PLSCR1: variants seen among roughly 807,000 people sequenced by gnomAD.
PLSCR1 encodes phospholipid scramblase 1.
PLSCR1 carries 17 observed loss-of-function variants against 37.8 expected under a neutral mutation model. That is an observed-to-expected ratio of 0.45 (90% CI 0.31 to 0.68). The LOEUF is 0.68. Ranked by LOEUF, PLSCR1 falls within the 30% of genes least tolerant of loss-of-function variation. The probability of loss-of-function intolerance (pLI) is 0.06; values close to 1 mark genes in which losing one functional copy is unlikely to be tolerated. For synonymous variants in PLSCR1, 116 were observed against 125.9 expected (o/e 0.92, Z 0.53); for missense variants, 347 against 380.9 (o/e 0.91, Z 0.74).
chr3:146,524,245 A>G (rs1401559402), intron 5 of PLSCR1, among the ~76,000 whole-genome samples: 1 of 152,204 alleles, frequency 6.6e-6, no homozygotes, highest in Non-Finnish European at 1.5e-5. Context: ...ATAACCTTTA[A>G]GTTTCTTTTC....
intron 3 of PLSCR1, among the ~76,000 whole-genome samples, chr3:146,529,344 T>C (rs2044164065): frequency 6.6e-6 from 1 of 152,108 alleles, no homozygotes; most frequent in South Asian, 2.1e-4. Context: ...CTGCAGACTT[T>C]TTTTGGTCAC....
intron 1 of PLSCR1, among the ~76,000 whole-genome samples, chr3:146,538,424 A>C (rs2108669820): frequency 6.6e-6 from 1 of 152,342 alleles, no homozygotes; most frequent in Middle Eastern, 3.4e-3. Flanking sequence ...ATATCAGAAA[A>C]GATTAATACA....
At chr3:146,540,398 C>T (rs2738916) in intron 1 of PLSCR1, among the ~76,000 whole-genome samples, 41,242 of 151,982 alleles carry the variant, frequency 0.27, 5,815 homozygotes, top group African/African-American at 0.32. Flanking sequence ...TCTACTACCA[C>T]GAAGAGGAAG....
Position 146,522,087 on chromosome 3 carries a change from CTA to C in PLSCR1, c.356-36_356-35del, listed in dbSNP as rs778354895. 21 of 1,158,870 alleles carry C rather than the reference CTA, an allele frequency of 1.8e-5. No homozygotes were observed. In the African/African-American group the frequency reaches 2.7e-4, roughly 15 times the overall value. The allele number at this position is 1,158,870 out of a possible 1,614,324, so 71.8% of individuals were successfully genotyped here. The stretch of plus-strand genomic sequence containing the variant: ...ATAAAAGACGAAATCATAATCACCT[CTA>C]TGTTAAAAATATTGAATTTATCCAG... On this transcript the variant is annotated intron_variant, in intron 5 of 8. Coordinates refer to ENST00000342435, the MANE Select transcript of PLSCR1 (RefSeq NM_021105.3).
intron 2 of PLSCR1, among the ~76,000 whole-genome samples, chr3:146,534,800 C>A (rs192908009): frequency 6.6e-6 from 1 of 152,190 alleles, no homozygotes; most frequent in East Asian, 1.9e-4. Flanking sequence ...CACTTAAACC[C>A]GGGAGGCGGA....
Position 146,521,944 on chromosome 3 carries a change from C to A in PLSCR1, c.465G>T (p.Gly155=). ...DTDCCTRNCC[G]PSRPFTLRII... is the part of the protein sequence containing the mutation. ...TCCTCAAGGTAAAAGGTCTAGATGGCCCACAGCAATTTCGGGTACAGCAAT... is the reference window on the plus strand; with the variant it reads ...TCCTCAAGGTAAAAGGTCTAGATGGACCACAGCAATTTCGGGTACAGCAAT... Residue 155 remains glycine (G), a synonymous_variant, in exon 6 of 9, where the codon GGG becomes GGT. Transcript: ENST00000342435. 6.2e-7 allele frequency: 1 copy of A among 1,612,390 alleles called. No individual in the cohort carries two copies.
At chr3:146,516,430 T>C (rs1165515895) in intron 8 of PLSCR1, 1 of 208,076 alleles carries the variant, frequency 4.8e-6, no homozygotes. Flanking sequence ...GAACACTATA[T>C]GAACTTCGAA....
intron 2 of PLSCR1, 25 bp downstream of exon 2, chr3:146,536,515 T>C: frequency 8.5e-7 from 1 of 1,180,170 alleles, no homozygotes; most frequent in Non-Finnish European, 1.3e-6. Context: ...AGGAGGAAAG[T>C]AAACATTTAA....
At chr3:146,534,747 G>A (rs770410821) in intron 2 of PLSCR1, among the ~76,000 whole-genome samples, 4 of 152,148 alleles carry the variant, frequency 2.6e-5, no homozygotes, top group South Asian at 2.1e-4. Flanking sequence ...ATGGTGGCAC[G>A]CGCCTGTAGT....
chr3:146,531,232 C>G (rs569595408), intron 3 of PLSCR1, among the ~76,000 whole-genome samples: 4 of 152,280 alleles, frequency 2.6e-5, no homozygotes, highest in Non-Finnish European at 1.5e-5. Flanking sequence ...GGGACAGTAA[C>G]TAACATAGGC....
At chr3:146,524,318 GA>G (rs2044074665) in intron 5 of PLSCR1, among the ~76,000 whole-genome samples, 3 of 150,744 alleles carry the variant, frequency 2.0e-5, no homozygotes, top group African/African-American at 4.9e-5. Context: ...TTTGAATTGA[GA>G]AAAAAAAGTA....
rs557754948 is a variant in PLSCR1, at chr3:146,529,793, G to A, written c.95-962C>T. Among the ~76,000 whole-genome samples, 124 of 152,244 alleles carry A rather than the reference G, an allele frequency of 8.1e-4. 2 individuals carry two copies. Among genetic ancestry groups the A allele is most frequent in the African/African-American group, 2.6e-3 (106 of 41,544 alleles). ...TTCCCAAAGTGCTGGGATTACAGGC[G>A]TGAGCCACCGCGCCCATTCGTTTAG... On this transcript the variant is annotated intron_variant, in intron 3 of 8. Coordinates refer to ENST00000342435, the MANE Select transcript of PLSCR1 (RefSeq NM_021105.3).
chr3:146,523,095 C>A (rs2044054195), intron 5 of PLSCR1, among the ~76,000 whole-genome samples: 1 of 152,194 alleles, frequency 6.6e-6, no homozygotes, highest in East Asian at 1.9e-4. Flanking sequence ...GGCGCGGGTC[C>A]TCCGTATGCT....
chr3:146,528,685 C>T lies in PLSCR1; in HGVS notation c.241G>A (p.Ala81Thr). The change falls in exon 4 of 9, where the codon GCA becomes ACA. Residue 81 changes from alanine to threonine, a missense_variant. Transcript: ENST00000342435. ...QPVYNQPVGA[A>T]GVPWMPAPQP... ...GGCGCTGGCATCCATGGTACCCCTG[C>T]AGCTCCAACTGGCTGATTATATACT... The T allele has an allele frequency of 6.2e-7, 1 of 1,614,178 alleles. No individual in the cohort carries two copies. The highest frequency in any genetic ancestry group is 8.5e-7 in the Non-Finnish European group (1 of 1,180,004).
rs1378490965 is a variant in PLSCR1, at chr3:146,516,075, G to T, written c.927C>A (p.Gly309=). ...LIDFMFFEST[G]SQEQKSGVW ...ACACTCCTGATTTTTGTTCCTGGCT[G>T]CCAGTGCTTTCAAAAAACATGAAGT... The change falls in exon 9 of 9, where the codon GGC becomes GGA. Residue 309 remains glycine, a synonymous_variant. Transcript: ENST00000342435. The T allele has an allele frequency of 1.9e-6, 3 of 1,608,458 alleles. No individual in the cohort carries two copies. The East Asian group carries it at 6.7e-5, about 36-fold the overall frequency.
rs1038621820 is a variant in PLSCR1 at position 146,534,618 on chromosome 3, T to C, written c.14-1068A>G. On this transcript the variant is annotated intron_variant, in intron 2 of 8. Coordinates refer to ENST00000342435, the MANE Select transcript of PLSCR1 (RefSeq NM_021105.3). ...TAGCTTCATGATGACTTCAGCGGAA[T>C]CCAGTCCATGGTGATTGTGTAAAAT... 3.3e-5 allele frequency among the ~76,000 whole-genome samples: 5 copies of C among 152,016 alleles called. No homozygotes were observed. The South Asian group carries it at 8.3e-4, about 25-fold the overall frequency.
chr3:146,525,521 G>C, intron 5 of PLSCR1, 84 bp downstream of exon 5: 1 of 734,020 alleles, frequency 1.4e-6, no homozygotes, highest in Non-Finnish European at 2.5e-6. Flanking sequence ...AAGTGAGAGT[G>C]TTATATTTGT....
At chr3:146,517,219 G>C (rs145714527) in intron 7 of PLSCR1, 52 bp from the exon 8 acceptor site, 1 of 1,051,980 alleles carries the variant, frequency 9.5e-7, no homozygotes, top group Non-Finnish European at 1.3e-6. Flanking sequence ...TATAGCAAAA[G>C]TACTTTCAAA....
chr3:146,532,388 C>T (rs1015746089), intron 3 of PLSCR1, among the ~76,000 whole-genome samples: 1 of 152,152 alleles, frequency 6.6e-6, no homozygotes, highest in Non-Finnish European at 1.5e-5. Flanking sequence ...TTCCTTGAGT[C>T]CCACCACTGG....
Sources: allele counts gnomAD v4.1 joint callset (sites outside exome capture counted in the v4.1 genomes callset), GRCh38; gene constraint gnomAD v4.1.1; transcripts MANE v1.5; gene names NCBI Gene and HGNC (gene_info 2026-07-23, HGNC 2026-07-21).